The following CABLES1 variants were observed in gnomAD, a reference collection of about 807,000 sequenced individuals.
The protein encoded by CABLES1 is Cdk5 and Abl enzyme substrate 1.
A neutral mutation model predicts 57.8 loss-of-function variants in CABLES1; 36 were observed. The ratio of observed to expected loss-of-function variants is 0.62; its 90% confidence interval spans 0.48 to 0.82. The LOEUF is 0.82. CABLES1 is among the 40% of genes least tolerant of loss of function. CABLES1 has a pLI of 0.00. For synonymous variants in CABLES1, 374 were observed against 363.0 expected (o/e 1.03, Z -0.35); for missense variants, 767 against 836.6 (o/e 0.92, Z 1.03).
chr18:23,155,899 T>C, intron 1 of CABLES1: 1 of 1,614,070 alleles, frequency 6.2e-7, no homozygotes, highest in Non-Finnish European at 8.5e-7. Flanking sequence ...GCCTCCTTCC[T>C]TGAATGCTTT....
intron 1 of CABLES1, among the ~76,000 whole-genome samples, chr18:23,172,882 G>A (rs1333786672): frequency 1.3e-5 from 2 of 152,198 alleles, no homozygotes; most frequent in Non-Finnish European, 2.9e-5. Flanking sequence ...TGCTAAGGCC[G>A]ATGGAAGCAC....
At chr18:23,159,286 C>T (rs1217703794) in intron 1 of CABLES1, among the ~76,000 whole-genome samples, 11 of 152,310 alleles carry the variant, frequency 7.2e-5, no homozygotes, top group Admixed American at 3.9e-4. Context: ...TTAGAATCTT[C>T]TAGGCTGGGA....
Position 23,259,216 on chromosome 18 carries a change from C to T in CABLES1, c.*1849C>T, listed in dbSNP as rs2048236519. The T allele has an allele frequency of 6.6e-6, 1 of 152,210 alleles. No homozygotes were observed. Among genetic ancestry groups the T allele is most frequent in the African/African-American group, 2.4e-5 (1 of 41,438 alleles). The allele number at this position is 152,210 out of a possible 1,614,324, so 9.4% of individuals were successfully genotyped here. A position where few individuals can be genotyped will look rare whatever the true frequency, so the allele number is the denominator to read the frequency against. On this transcript the variant is annotated 3_prime_UTR_variant, in exon 10 of 10. Transcript: ENST00000256925. ...AAGCCATCCACCTTCCTGGTCAGTG[C>T]CTACAGGGGGAGAGCCTTTCTGAGA...
rs975059300 is a variant in CABLES1 at position 23,234,643 on chromosome 18, G to A, written c.1124G>A (p.Gly375Asp). The A allele has an allele frequency of 3.7e-6, 6 of 1,613,946 alleles. No homozygotes were observed. Among genetic ancestry groups the A allele is most frequent in the Non-Finnish European group, 4.2e-6 (5 of 1,179,862 alleles). ...TTGGACGGAGGAAGACAATCAACTGGTGCAGTGAGTTTGAAAGAGATCATT... is the reference window on the plus strand; with the variant it reads ...TTGGACGGAGGAAGACAATCAACTGATGCAGTGAGTTTGAAAGAGATCATT... ...LKLDGGRQST[G>D]AVSLKEIIGL... is the part of the protein sequence containing the mutation. Residue 375 changes from glycine (G) to aspartate (D), a missense_variant, in exon 5 of 10, where the codon GGT becomes GAT. Transcript: ENST00000256925.
chr18:23,183,480 G>A (rs967696876), intron 1 of CABLES1, among the ~76,000 whole-genome samples: 12 of 152,204 alleles, frequency 7.9e-5, no homozygotes, highest in East Asian at 3.8e-4. Flanking sequence ...AGCATTCCAA[G>A]GATATTGTAA....
chr18:23,180,059 C>T (rs1236295699), intron 1 of CABLES1, among the ~76,000 whole-genome samples: 6 of 152,172 alleles, frequency 3.9e-5, no homozygotes, highest in African/African-American at 1.4e-4. Flanking sequence ...GCTGGGACTA[C>T]AGGCGCCCGC....
In CABLES1 at chr18:23,253,083, T is replaced by G. The variant is rs1177367324; in HGVS notation, c.1553+17T>G. ...AATTAGGAGGTACGGGAGGCTGGAC[T>G]TGCCTGTGACCTTTCCCTGCAAACC... On this transcript the variant is annotated intron_variant, in intron 8 of 9. Coordinates refer to ENST00000256925, the MANE Select transcript of CABLES1 (RefSeq NM_001100619.3). 1 of 1,471,284 alleles carries G rather than the reference T, an allele frequency of 6.8e-7. No individual in the cohort carries two copies. The highest frequency in any genetic ancestry group is 2.3e-5 in the East Asian group (1 of 44,214). The allele number at this position is 1,471,284 out of a possible 1,614,324, so 91.1% of individuals were successfully genotyped here.
chr18:23,180,201 A>G (rs1415014688), intron 1 of CABLES1, among the ~76,000 whole-genome samples: 1 of 152,230 alleles, frequency 6.6e-6, no homozygotes, highest in East Asian at 1.9e-4. Flanking sequence ...GATTACAGGC[A>G]TGAGCCACCG....
chr18:23,244,710 G>T (rs1040117143), intron 7 of CABLES1, among the ~76,000 whole-genome samples: 1 of 152,238 alleles, frequency 6.6e-6, no homozygotes, highest in African/African-American at 2.4e-5. Flanking sequence ...GAGCTGTGTG[G>T]CTCATTGCCT....
At chr18:23,159,895 A>T (rs1182418626) in intron 1 of CABLES1, among the ~76,000 whole-genome samples, 2 of 145,288 alleles carry the variant, frequency 1.4e-5, no homozygotes. Flanking sequence ...TTTTTTTTTT[A>T]AACTTGTTGG....
chr18:23,248,510 G>GTTTTTTT (rs1186458704), intron 7 of CABLES1, among the ~76,000 whole-genome samples: 1 of 92,358 alleles, frequency 1.1e-5, no homozygotes, highest in African/African-American at 4.9e-5. Context: ...AAGACCCTAT[G>GTTTTTTT]TCTTTTTTTT....
chr18:23,170,722 G>C (rs143101917), intron 1 of CABLES1, among the ~76,000 whole-genome samples: 3 of 152,304 alleles, frequency 2.0e-5, no homozygotes, highest in African/African-American at 7.2e-5. Flanking sequence ...GTGAAAGTCT[G>C]CTTTGGAAAG....
intron 4 of CABLES1, among the ~76,000 whole-genome samples, chr18:23,214,422 C>T (rs139180943): frequency 6.6e-6 from 1 of 152,284 alleles, no homozygotes; most frequent in East Asian, 1.9e-4. Context: ...ACCATTCCAC[C>T]TCCTTGCATC....
rs45541339 is a variant in CABLES1, at chr18:23,237,099, G to A, written c.1343-43G>A. On this transcript the variant is annotated intron_variant, in intron 6 of 9. Coordinates refer to ENST00000256925, the MANE Select transcript of CABLES1 (RefSeq NM_001100619.3). ...TGGCTGTCTCTGCTGGGGAGGGTCC[G>A]GAGCCGCTAATTATCATTTTGCATT... The A allele has an allele frequency of 8.7e-3, 10,109 of 1,157,370 alleles. 64 individuals are homozygous for A. Among genetic ancestry groups the A allele is most frequent in the African/African-American group, 0.025 (1,632 of 66,216 alleles). 71.7% of individuals were successfully genotyped at this position (1,157,370 alleles called of 1,614,324 possible).
chr18:23,147,164 T>C (rs754370550), intron 1 of CABLES1, among the ~76,000 whole-genome samples: 1 of 152,212 alleles, frequency 6.6e-6, no homozygotes, highest in Non-Finnish European at 1.5e-5. Flanking sequence ...CAGATAATAT[T>C]AATAGCTTGG....
At chr18:23,152,440 A>T (rs535919809) in intron 1 of CABLES1, among the ~76,000 whole-genome samples, 1 of 150,742 alleles carries the variant, frequency 6.6e-6, no homozygotes, top group African/African-American at 2.4e-5. Flanking sequence ...GTGGAGAATG[A>T]TATTTATGGT....
chr18:23,220,879 C>T (rs894340272), intron 4 of CABLES1, among the ~76,000 whole-genome samples: 1 of 152,254 alleles, frequency 6.6e-6, no homozygotes, highest in South Asian at 2.1e-4. Context: ...TATTTGTCGT[C>T]TTTAGAATAG....
In CABLES1 at chr18:23,243,496, T is replaced by G. The variant is rs2047792339; in HGVS notation, c.1446+6251T>G. 4.0e-5 allele frequency among the ~76,000 whole-genome samples: 6 copies of G among 151,218 alleles called. No individual in the cohort carries two copies. In the South Asian group the frequency reaches 1.3e-3, roughly 32 times the overall value. On this transcript the variant is annotated intron_variant, in intron 7 of 9. Coordinates refer to ENST00000256925, the MANE Select transcript of CABLES1 (RefSeq NM_001100619.3). Reference sequence around the variant, plus strand: ...TTTTTTTTTTTTTTTTTTTGGTCTTTTTGTTGTTGTTAACAGCACTATTAG... The same window carrying G: ...TTTTTTTTTTTTTTTTTTTGGTCTTGTTGTTGTTGTTAACAGCACTATTAG...
At chr18:23,201,000 G>A (rs2047321476) in intron 3 of CABLES1, among the ~76,000 whole-genome samples, 1 of 152,214 alleles carries the variant, frequency 6.6e-6, no homozygotes, top group East Asian at 1.9e-4. Flanking sequence ...TTGGCGTAAA[G>A]GCCCAGAAGC....
Sources: gnomAD v4.1 joint callset for allele counts (sites outside exome capture counted in the v4.1 genomes callset) on GRCh38, gnomAD v4.1.1 for gene constraint, MANE v1.5 for transcripts, NCBI Gene and HGNC (gene_info 2026-07-23, HGNC 2026-07-21) for gene names.